The following UNC13C variants were observed in gnomAD, a reference collection of about 807,000 sequenced individuals.
The protein encoded by UNC13C is protein unc-13 homolog C.
A neutral mutation model predicts 245.4 loss-of-function variants in UNC13C; 174 were observed. That is an observed-to-expected ratio of 0.71 (90% CI 0.63 to 0.80). The LOEUF is 0.80. Among genes scored for constraint, UNC13C ranks in the 30% least tolerant of loss-of-function variants. UNC13C has a pLI of 0.00. For synonymous variants in UNC13C, 992 were observed against 895.1 expected (o/e 1.11, Z -1.93); for missense variants, 2,829 against 2,602.9 (o/e 1.09, Z -1.89).
At chr15:54,170,796 C>T (rs12102068) in intron 4 of UNC13C, among the ~76,000 whole-genome samples, 4,092 of 152,212 alleles carry the variant, frequency 0.027, 195 homozygotes, top group African/African-American at 0.092. Context: ...ACCCAGAAAT[C>T]CTCATTCTTT....
chr15:54,468,718 T>A (rs1428674763), intron 19 of UNC13C, among the ~76,000 whole-genome samples: 1 of 151,712 alleles, frequency 6.6e-6, no homozygotes, highest in East Asian at 1.9e-4. Flanking sequence ...CTTTCCCCAT[T>A]GTGTGCACTG....
chr15:54,466,495 T>C (rs551451753), intron 19 of UNC13C, among the ~76,000 whole-genome samples: 64 of 152,046 alleles, frequency 4.2e-4, no homozygotes, highest in African/African-American at 1.5e-3. Context: ...GAACTCTGGA[T>C]ACTGGTATTC....
At chr15:53,946,989 C>A in the UNC13C span, among the ~76,000 whole-genome samples, 1 of 152,106 alleles carries the variant, frequency 6.6e-6, no homozygotes. Context: ...CTAGCGGGTT[C>A]TAATAAAAGT....
chr15:54,129,214 G>T (rs1339152580), intron 2 of UNC13C, among the ~76,000 whole-genome samples: 2 of 152,138 alleles, frequency 1.3e-5, no homozygotes, highest in Non-Finnish European at 2.9e-5. Flanking sequence ...TTAAAGCACG[G>T]TTTTATCACG....
At chr15:53,933,784 GT>G in the UNC13C span, among the ~76,000 whole-genome samples, 1 of 152,094 alleles carries the variant, frequency 6.6e-6, no homozygotes, top group Non-Finnish European at 1.5e-5. Flanking sequence ...TTAGGGTTCC[GT>G]TTATAAACCT....
intron 30 of UNC13C, among the ~76,000 whole-genome samples, chr15:54,605,978 T>A (rs1315234367): frequency 1.3e-5 from 2 of 152,182 alleles, no homozygotes; most frequent in African/African-American, 2.4e-5. Context: ...CTGCCTTCTT[T>A]AAGAAGCCAA....
intron 4 of UNC13C, among the ~76,000 whole-genome samples, chr15:54,202,757 G>A (rs1176723333): frequency 1.3e-5 from 2 of 151,960 alleles, no homozygotes; most frequent in East Asian, 1.9e-4. Flanking sequence ...ATTAGCCTAG[G>A]CAAAGATTTC....
At chr15:54,142,837 C>T (rs1166822232) in intron 2 of UNC13C, among the ~76,000 whole-genome samples, 181 bp from the exon 3 acceptor site, 1 of 152,182 alleles carries the variant, frequency 6.6e-6, no homozygotes, top group Non-Finnish European at 1.5e-5. Flanking sequence ...TTACATTTCT[C>T]TGCACTTTAA....
intron 30 of UNC13C, chr15:54,611,506 G>A (rs1326694102): frequency 6.6e-6 from 1 of 152,174 alleles, no homozygotes; most frequent in Non-Finnish European, 1.5e-5. Flanking sequence ...CTAAAGAAGA[G>A]AAGGTCCATC....
intron 19 of UNC13C, among the ~76,000 whole-genome samples, chr15:54,446,005 A>C (rs866756680): frequency 3.3e-5 from 5 of 152,120 alleles, no homozygotes; most frequent in African/African-American, 1.2e-4. Flanking sequence ...TCAGCTTTCT[A>C]CCTATGGCTA....
At chr15:53,959,980 C>T in the UNC13C span, among the ~76,000 whole-genome samples, 3,169 of 152,192 alleles carry the variant, frequency 0.021, 59 homozygotes, top group Non-Finnish European at 0.033. Flanking sequence ...ATTTAGAACT[C>T]CTGGGATAAG....
intron 2 of UNC13C, among the ~76,000 whole-genome samples, chr15:54,045,669 T>A (rs1331534498): frequency 1.3e-5 from 2 of 152,202 alleles, no homozygotes; most frequent in South Asian, 4.1e-4. Flanking sequence ...AATCTGTTTT[T>A]CTTAACCATA....
At chr15:54,576,144 A>G (rs906559061) in intron 30 of UNC13C, among the ~76,000 whole-genome samples, 1 of 152,240 alleles carries the variant, frequency 6.6e-6, no homozygotes, top group African/African-American at 2.4e-5. Context: ...CTGCAAGACC[A>G]GTAACATTCT....
intron 1 of UNC13C, among the ~76,000 whole-genome samples, chr15:53,995,904 C>T (rs1894609873): frequency 1.3e-5 from 2 of 152,064 alleles, no homozygotes; most frequent in Admixed American, 1.3e-4. Context: ...AGAGAGGTTT[C>T]CATGATGCTT....
At chr15:54,290,218 G>GA (rs1299726738) in intron 10 of UNC13C, among the ~76,000 whole-genome samples, 1 of 151,982 alleles carries the variant, frequency 6.6e-6, no homozygotes, top group Non-Finnish European at 1.5e-5. Context: ...GTTTGGAAGA[G>GA]AAAAAATGTA....
chr15:54,622,464 T>G (rs1485284124), intron 31 of UNC13C, 45 bp downstream of exon 31: 1 of 1,397,094 alleles, frequency 7.2e-7, no homozygotes, highest in African/African-American at 1.4e-5. Flanking sequence ...TCTAAACTTC[T>G]GCAGCAGTAC....
At chr15:54,240,412 A>C (rs1480463000) in intron 7 of UNC13C, among the ~76,000 whole-genome samples, 3 of 152,242 alleles carry the variant, frequency 2.0e-5, no homozygotes, top group African/African-American at 7.2e-5. Context: ...CACTTGATAC[A>C]AAAGCATAAA....
chr15:54,601,025 A>C (rs1596650949), intron 30 of UNC13C, among the ~76,000 whole-genome samples: 1 of 150,650 alleles, frequency 6.6e-6, no homozygotes, highest in African/African-American at 2.4e-5. Flanking sequence ...TGTTTTAAGA[A>C]AGTTTACAAA....
chr15:54,349,563 G>T (rs1347352456), intron 17 of UNC13C, among the ~76,000 whole-genome samples: 1 of 151,982 alleles, frequency 6.6e-6, no homozygotes, highest in Non-Finnish European at 1.5e-5. Context: ...AAATATTAAA[G>T]AACATGACTT....
Sources: gnomAD v4.1 joint callset for allele counts (sites outside exome capture counted in the v4.1 genomes callset) on GRCh38, gnomAD v4.1.1 for gene constraint, MANE v1.5 for transcripts, NCBI Gene and HGNC (gene_info 2026-07-23, HGNC 2026-07-21) for gene names.